Variants in TAF3 observed in about 807,000 individuals in gnomAD.
The protein encoded by TAF3 is TATA-box binding protein associated factor 3, also known as transcription initiation factor TFIID subunit 3.
Under a neutral mutation model 80.6 loss-of-function variants are expected in TAF3, and 7 were observed. That is an observed-to-expected ratio of 0.09 (90% CI 0.05 to 0.16). The LOEUF (loss-of-function observed/expected upper bound fraction) is 0.16, where lower values mean the gene tolerates loss of function less well. Among genes scored for constraint, TAF3 ranks in the 10% least tolerant of loss-of-function variants. The pLI is 1.00. For synonymous variants in TAF3, 444 were observed against 446.1 expected (o/e 1.00, Z 0.06); for missense variants, 921 against 1,140.2 (o/e 0.81, Z 2.77).
At chr10:8,007,557 T>C (rs1298769623) in intron 4 of TAF3, among the ~76,000 whole-genome samples, 2 of 128,100 alleles carry the variant, frequency 1.6e-5, no homozygotes, top group Admixed American at 8.7e-5. Context: ...TCTCTGTGTG[T>C]GAAATTATAT....
chr10:7,868,432 T>C (rs1284114910), intron 2 of TAF3, among the ~76,000 whole-genome samples: 1 of 151,658 alleles, frequency 6.6e-6, no homozygotes, highest in Non-Finnish European at 1.5e-5. Flanking sequence ...GTGGAGGCAG[T>C]GTGACATAGC....
At chr10:7,966,370 C>T (rs1440669534) in intron 3 of TAF3, among the ~76,000 whole-genome samples, 1 of 152,194 alleles carries the variant, frequency 6.6e-6, no homozygotes, top group Admixed American at 6.5e-5. Flanking sequence ...AGTAATCCCA[C>T]ATGGCAGAAA....
intron 2 of TAF3, among the ~76,000 whole-genome samples, chr10:7,959,007 A>G (rs541325648): frequency 3.3e-5 from 5 of 152,064 alleles, no homozygotes; most frequent in South Asian, 2.1e-4. Context: ...GGGCGTGGTG[A>G]CGGGCGCCTG....
intron 2 of TAF3, among the ~76,000 whole-genome samples, chr10:7,868,074 G>C (rs1837232390): frequency 6.6e-6 from 1 of 152,096 alleles, no homozygotes; most frequent in Non-Finnish European, 1.5e-5. Flanking sequence ...AGGCTGGTTG[G>C]GGGGTTGGTC....
intron 4 of TAF3, among the ~76,000 whole-genome samples, chr10:8,006,719 G>A (rs922449296): frequency 5.3e-5 from 8 of 152,216 alleles, no homozygotes; most frequent in African/African-American, 1.9e-4. Flanking sequence ...ATAGCAAAGA[G>A]TCAGTGCCTT....
At chr10:7,829,485 A>G (rs1422654579) in intron 2 of TAF3, among the ~76,000 whole-genome samples, 18 of 151,984 alleles carry the variant, frequency 1.2e-4, no homozygotes. Context: ...CTTGTTTTTG[A>G]CGACCTTGAC....
intron 2 of TAF3, among the ~76,000 whole-genome samples, chr10:7,837,883 A>G (rs1363431286): frequency 6.6e-6 from 1 of 152,196 alleles, no homozygotes; most frequent in Admixed American, 6.5e-5. Flanking sequence ...TACAACGTAG[A>G]TTACTTACTG....
intron 2 of TAF3, among the ~76,000 whole-genome samples, chr10:7,854,426 C>G (rs545989321): frequency 6.6e-6 from 1 of 152,272 alleles, no homozygotes; most frequent in Admixed American, 6.5e-5. Flanking sequence ...CATGGAAGCT[C>G]TATGTGATTT....
intron 2 of TAF3, among the ~76,000 whole-genome samples, chr10:7,934,347 A>G (rs1387661102): frequency 6.6e-6 from 1 of 152,226 alleles, no homozygotes; most frequent in Non-Finnish European, 1.5e-5. Context: ...TGTGTCTTAT[A>G]ATTGATGACA....
intron 2 of TAF3, among the ~76,000 whole-genome samples, chr10:7,865,862 C>T (rs1386925976): frequency 6.6e-6 from 1 of 151,850 alleles, no homozygotes; most frequent in Non-Finnish European, 1.5e-5. Context: ...CTAGCTGCTC[C>T]GTTTTATGTC....
At chr10:7,970,680 A>G (rs537041492) in intron 3 of TAF3, among the ~76,000 whole-genome samples, 15 of 152,378 alleles carry the variant, frequency 9.8e-5, no homozygotes, top group African/African-American at 3.6e-4. Flanking sequence ...AGAGCAGGAA[A>G]GGGATATCCT....
At chr10:7,944,935 A>G (rs1382441545) in intron 2 of TAF3, among the ~76,000 whole-genome samples, 1 of 152,214 alleles carries the variant, frequency 6.6e-6, no homozygotes, top group Non-Finnish European at 1.5e-5. Flanking sequence ...CACTAGGATA[A>G]TCTTACATTA....
Position 8,009,384 on chromosome 10 carries a change from A to G in TAF3, c.2568+54A>G. ...ATGGAGACGTTTTCAGATCGAGACA[A>G]GTGTGTGCTCTGAATCACTATCGAA... On this transcript the variant is annotated intron_variant, in intron 5 of 6. Coordinates refer to ENST00000344293, the MANE Select transcript of TAF3 (RefSeq NM_031923.4). The surrounding 1 kb of genome is among the most constrained non-coding windows in gnomAD (Gnocchi z 4.1). 1 of 1,538,834 alleles carries G rather than the reference A, an allele frequency of 6.5e-7. No individual in the cohort carries two copies. Among genetic ancestry groups the G allele is most frequent in the Admixed American group, 1.9e-5 (1 of 53,098 alleles).
intron 2 of TAF3, among the ~76,000 whole-genome samples, chr10:7,903,530 G>A (rs1345608744): frequency 6.6e-6 from 1 of 152,142 alleles, no homozygotes; most frequent in Non-Finnish European, 1.5e-5. Context: ...GTAAGCCTGT[G>A]ATTTAATATG....
chr10:7,826,671 G>T (rs1205651577), intron 2 of TAF3, among the ~76,000 whole-genome samples: 4 of 152,142 alleles, frequency 2.6e-5, no homozygotes, highest in Non-Finnish European at 4.4e-5. Context: ...GAAAAATATT[G>T]CTGATTTGTA....
chr10:8,001,956 A>G (rs1371177061), intron 4 of TAF3, among the ~76,000 whole-genome samples: 1 of 152,216 alleles, frequency 6.6e-6, no homozygotes, highest in East Asian at 1.9e-4. Context: ...AGTTAAAACG[A>G]AGTGACAACC....
At chr10:7,919,948 A>G (rs1175542756) in intron 2 of TAF3, among the ~76,000 whole-genome samples, 2 of 152,102 alleles carry the variant, frequency 1.3e-5, no homozygotes, top group Non-Finnish European at 2.9e-5. Context: ...GTTAGTGTCA[A>G]ATAATTTAAA....
At chr10:7,943,613 T>G (rs530567577) in intron 2 of TAF3, among the ~76,000 whole-genome samples, 11 of 152,364 alleles carry the variant, frequency 7.2e-5, no homozygotes, top group African/African-American at 2.6e-4. Flanking sequence ...TAAATACTTG[T>G]CATTTCCTCT....
rs77592224 is a variant in TAF3, at chr10:7,855,053, G to C, written c.409+30493G>C. 4.0e-3 allele frequency among the ~76,000 whole-genome samples: 612 copies of C among 152,280 alleles called. 6 individuals are homozygous for C. Among genetic ancestry groups the C allele is most frequent in the African/African-American group, 0.014 (583 of 41,542 alleles). ...GTTTGTAAGTCTAAAAAAATGAATAGAATGGGATAAAAGGCAAGAGTAACC... is the reference window on the plus strand; with the variant it reads ...GTTTGTAAGTCTAAAAAAATGAATACAATGGGATAAAAGGCAAGAGTAACC... On this transcript the variant is annotated intron_variant, in intron 2 of 6. Transcript: ENST00000344293.
Sources: gnomAD v4.1 joint callset for allele counts (sites outside exome capture counted in the v4.1 genomes callset) on GRCh38, gnomAD v4.1.1 for gene constraint, Gnocchi (gnomAD v3.1) non-coding constraint, MANE v1.5 for transcripts, NCBI Gene and HGNC (gene_info 2026-07-23, HGNC 2026-07-21) for gene names.